TANGO6: variants seen among roughly 807,000 people sequenced by gnomAD.
TANGO6 encodes transport and Golgi organization protein 6 homolog.
TANGO6 carries 90 observed loss-of-function variants against 114.2 expected under a neutral mutation model. The observed-to-expected ratio is 0.79, with a 90% CI of 0.66 to 0.94. The LOEUF is 0.94. TANGO6 is among the 40% of genes least tolerant of loss of function. The probability of loss-of-function intolerance (pLI) is 0.00; values close to 1 mark genes in which losing one functional copy is unlikely to be tolerated. For missense variants in TANGO6, 1,274 were observed against 1,315.3 expected (o/e 0.97, Z 0.49); for synonymous variants, 477 against 509.8 (o/e 0.94, Z 0.87).
chr16:68,990,027 T>C (rs1468503046), intron 15 of TANGO6, among the ~76,000 whole-genome samples: 1 of 152,214 alleles, frequency 6.6e-6, no homozygotes, highest in African/African-American at 2.4e-5. Flanking sequence ...ATTCTCTCTC[T>C]TTTTCTCTCT....
chr16:68,871,566 T>C (rs1273851957), intron 4 of TANGO6, among the ~76,000 whole-genome samples: 1 of 152,182 alleles, frequency 6.6e-6, no homozygotes, highest in Non-Finnish European at 1.5e-5. Flanking sequence ...TTACTAATGC[T>C]CTTTTTGTGT....
intron 11 of TANGO6, among the ~76,000 whole-genome samples, chr16:68,912,712 G>A (rs1962940238): frequency 6.6e-6 from 1 of 151,982 alleles, no homozygotes; most frequent in Non-Finnish European, 1.5e-5. Context: ...GAAAGACAGT[G>A]TACTGAACAC....
intron 15 of TANGO6, among the ~76,000 whole-genome samples, chr16:69,019,632 C>A (rs1959366956): frequency 6.6e-6 from 1 of 151,124 alleles, no homozygotes; most frequent in African/African-American, 2.5e-5. Context: ...CCACACAGTT[C>A]TATAATTGTC....
chr16:68,912,335 T>TG (rs1962933746), intron 11 of TANGO6, among the ~76,000 whole-genome samples: 1 of 151,954 alleles, frequency 6.6e-6, no homozygotes, highest in Admixed American at 6.6e-5. Flanking sequence ...TCACCTCTAC[T>TG]GAAAATACAA....
At chr16:68,872,266 G>C (rs2152165316) in intron 4 of TANGO6, among the ~76,000 whole-genome samples, 2 of 151,084 alleles carry the variant, frequency 1.3e-5, no homozygotes, top group South Asian at 4.2e-4. Context: ...TTCTAATTCT[G>C]TTATCTCTGT....
At chr16:69,063,722 C>A (rs1960166538) in intron 17 of TANGO6, among the ~76,000 whole-genome samples, 1 of 138,628 alleles carries the variant, frequency 7.2e-6, no homozygotes, top group South Asian at 2.5e-4. Flanking sequence ...GAATCATTAA[C>A]TAGAATGATG....
At chr16:68,859,404 C>T (rs11646158) in intron 1 of TANGO6, among the ~76,000 whole-genome samples, 49,179 of 152,020 alleles carry the variant, frequency 0.32, 9,576 homozygotes, top group South Asian at 0.49. Flanking sequence ...CTCCTAGGCT[C>T]ATGCAACCAT....
At chr16:69,025,067 CA>C (rs1275477449) in intron 16 of TANGO6, among the ~76,000 whole-genome samples, 1 of 152,230 alleles carries the variant, frequency 6.6e-6, no homozygotes, top group Non-Finnish European at 1.5e-5. Context: ...CTCGGCCTCC[CA>C]AAGTGCTGGT....
chr16:69,032,696 G>A (rs974437476), intron 16 of TANGO6, among the ~76,000 whole-genome samples: 2 of 152,076 alleles, frequency 1.3e-5, no homozygotes, highest in African/African-American at 4.8e-5. Context: ...AGCCAAGATG[G>A]TGAAACCCCG....
chr16:69,023,035 A>C, intron 16 of TANGO6, 56 bp downstream of exon 16: 3 of 1,471,082 alleles, frequency 2.0e-6, no homozygotes, highest in Non-Finnish European at 9.0e-7. Flanking sequence ...CCTACGATGC[A>C]TCTTGAGATT....
chr16:68,877,335 G>A (rs1962380750), intron 5 of TANGO6, among the ~76,000 whole-genome samples: 2 of 151,812 alleles, frequency 1.3e-5, no homozygotes, highest in African/African-American at 4.8e-5. Context: ...GGGGGTAGTG[G>A]CATGTGCCTG....
At chr16:69,066,369 G>A (rs754843244) in intron 17 of TANGO6, among the ~76,000 whole-genome samples, 49 of 152,044 alleles carry the variant, frequency 3.2e-4, no homozygotes, top group Admixed American at 5.9e-4. Context: ...ATCTTGGCTC[G>A]CTGCAACCTC....
Position 68,951,254 on chromosome 16 carries a change from T to C in TANGO6, c.2701+20959T>C, listed in dbSNP as rs143966191. Among the ~76,000 whole-genome samples, 704 of 144,112 alleles carry C rather than the reference T, an allele frequency of 4.9e-3. 4 individuals are homozygous for C. Among genetic ancestry groups the C allele is most frequent in the South Asian group, 0.017 (79 of 4,516 alleles). The allele number at this position is 144,112 out of a possible 152,430, so 94.5% of individuals were successfully genotyped here. ...GGGAGAATCACTTGAGCCCAAGAGG[T>C]CAAGACTGCAGCAAGCTGTGATCAT... On this transcript the variant is annotated intron_variant, in intron 14 of 17. Transcript: ENST00000261778.
chr16:68,856,838 G>T (rs778162743), intron 1 of TANGO6, among the ~76,000 whole-genome samples: 10 of 152,164 alleles, frequency 6.6e-5, no homozygotes, highest in Non-Finnish European at 1.5e-4. Flanking sequence ...GGCCAGGCGC[G>T]GTGGCTCATG....
intron 16 of TANGO6, among the ~76,000 whole-genome samples, chr16:69,038,515 A>T (rs558532146): frequency 9.9e-5 from 15 of 151,482 alleles, no homozygotes; most frequent in South Asian, 6.3e-4. Flanking sequence ...ACTTTCAAAA[A>T]TTTTTTTTTC....
chr16:68,854,975 A>T (rs1961961297), intron 1 of TANGO6, among the ~76,000 whole-genome samples: 1 of 151,208 alleles, frequency 6.6e-6, no homozygotes, highest in Non-Finnish European at 1.5e-5. Flanking sequence ...CGTTGACTTT[A>T]TAGATCAATT....
At chr16:68,866,038 A>T (rs933958911) in intron 3 of TANGO6, among the ~76,000 whole-genome samples, 6 of 152,224 alleles carry the variant, frequency 3.9e-5, no homozygotes, top group African/African-American at 1.4e-4. Context: ...TCTTAGTGGC[A>T]AATAACGTTC....
intron 17 of TANGO6, among the ~76,000 whole-genome samples, chr16:69,069,863 A>G (rs1446111055): frequency 1.3e-5 from 2 of 152,142 alleles, no homozygotes; most frequent in Non-Finnish European, 2.9e-5. Flanking sequence ...CGCGCAAGAA[A>G]GAATTCAGGG....
At chr16:69,010,601 T>C (rs773557198) in intron 15 of TANGO6, among the ~76,000 whole-genome samples, 1 of 152,184 alleles carries the variant, frequency 6.6e-6, no homozygotes, top group Non-Finnish European at 1.5e-5. Context: ...GCAATCTTCC[T>C]CTTGTCTGCC....
Sources: gnomAD v4.1 joint callset for allele counts (sites outside exome capture counted in the v4.1 genomes callset) on GRCh38, gnomAD v4.1.1 for gene constraint, MANE v1.5 for transcripts, NCBI Gene and HGNC (gene_info 2026-07-23, HGNC 2026-07-21) for gene names.